Variants in GLI2 observed in about 807,000 individuals in gnomAD.
The protein encoded by GLI2 is transcription activator GLI2.
GLI2 carries 22 observed loss-of-function variants against 78.9 expected under a neutral mutation model. The observed-to-expected ratio is 0.28, with a 90% CI of 0.20 to 0.40. GLI2 has a LOEUF of 0.40. Among genes scored for constraint, GLI2 ranks in the 10% least tolerant of loss-of-function variants. The pLI is 1.00. For missense variants in GLI2, 2,097 were observed against 2,213.2 expected (o/e 0.95, Z 1.05); for synonymous variants, 974 against 963.7 (o/e 1.01, Z -0.20).
chr2:120,749,034 G>A (rs1450305139), intron 1 of GLI2, among the ~76,000 whole-genome samples: 1 of 152,002 alleles, frequency 6.6e-6, no homozygotes, highest in East Asian at 1.9e-4. Flanking sequence ...GTTGGTCTTT[G>A]GTGTACCCTT....
chr2:120,776,783 C>G (rs1042249156), intron 1 of GLI2, among the ~76,000 whole-genome samples: 1 of 152,208 alleles, frequency 6.6e-6, no homozygotes. Context: ...CCGGCGTTCT[C>G]CCAAGAGGAG....
In GLI2 at chr2:120,990,780, T is replaced by C; in HGVS notation, c.*105T>C. ...TTTCCAAAAAAGTGTTAAATAGGCT[T>C]GAGGGGTTGTTGCGCAATGGCCGCT... is the stretch of plus-strand genomic sequence containing the variant. On this transcript the variant is annotated 3_prime_UTR_variant, in exon 14 of 14. Coordinates refer to ENST00000361492, the MANE Select transcript of GLI2 (RefSeq NM_001374353.1). The C allele has an allele frequency of 1.1e-6, 1 of 949,858 alleles. No homozygotes were observed. The allele number at this position is 949,858 out of a possible 1,614,324, so 58.8% of individuals were successfully genotyped here.
At chr2:120,827,072 G>T (rs1305609303) in intron 2 of GLI2, among the ~76,000 whole-genome samples, 1 of 152,220 alleles carries the variant, frequency 6.6e-6, no homozygotes, top group Non-Finnish European at 1.5e-5. Context: ...GCCTGGCACT[G>T]CCCATGCCAG....
intron 2 of GLI2, among the ~76,000 whole-genome samples, chr2:120,855,989 G>A (rs1400962297): frequency 6.6e-6 from 1 of 152,138 alleles, no homozygotes; most frequent in Non-Finnish European, 1.5e-5. Context: ...TTGGATCTGG[G>A]GACCTGGATT....
intron 2 of GLI2, among the ~76,000 whole-genome samples, chr2:120,910,548 A>G (rs946814161): frequency 2.0e-5 from 3 of 152,198 alleles, no homozygotes; most frequent in South Asian, 2.1e-4. Context: ...CTGAACTGCA[A>G]TCACTCTTGG....
At chr2:120,827,006 G>T (rs1049900521) in intron 2 of GLI2, among the ~76,000 whole-genome samples, 1 of 152,198 alleles carries the variant, frequency 6.6e-6, no homozygotes, top group Admixed American at 6.5e-5. Flanking sequence ...CTTTCACTGT[G>T]TGGTGACTCC....
rs1683106370 is a variant in GLI2 at position 120,988,646 on chromosome 2, T to G, written c.2681T>G (p.Met894Arg). 7.0e-7 allele frequency: 1 copy of G among 1,429,612 alleles called. No individual in the cohort carries two copies. Among genetic ancestry groups the G allele is most frequent in the South Asian group, 1.3e-5 (1 of 74,494 alleles). 88.6% of individuals were successfully genotyped at this position (1,429,612 alleles called of 1,614,324 possible). ...PPTPLPGLER[M>R]SLRTRLALLD... ...ACTCCGCTGCCGGGCCTGGAGCGCATGAGCCTGCGGACCAGGCTGGCGCTG... is the reference window on the plus strand; with the variant it reads ...ACTCCGCTGCCGGGCCTGGAGCGCAGGAGCCTGCGGACCAGGCTGGCGCTG... The change falls in exon 14 of 14, where the codon ATG becomes AGG. Residue 894 changes from methionine (M) to arginine (R), a missense_variant. This residue lies in a region of GLI2 where 1,290 missense variants were observed against 1,261.7 expected (regional missense o/e 1.02). Coordinates refer to ENST00000361492, the MANE Select transcript of GLI2 (RefSeq NM_001374353.1).
In GLI2 at chr2:120,966,824, C is replaced by A. The variant is rs185225577; in HGVS notation, c.644-1890C>A. Among the ~76,000 whole-genome samples, 498 of 152,338 alleles carry A rather than the reference C, an allele frequency of 3.3e-3. 1 individual carries two copies. The highest frequency in any genetic ancestry group is 0.012 in the African/African-American group (481 of 41,582). ...CTCAGAGGCTCGTAGGCCATCACCC[C>A]CTGCCCTCGGTGCTCCTGCAGCTGT... On this transcript the variant is annotated intron_variant, in intron 5 of 13. Transcript: ENST00000361492.
chr2:120,943,453 T>C (rs2104925054), intron 3 of GLI2, among the ~76,000 whole-genome samples: 1 of 152,278 alleles, frequency 6.6e-6, no homozygotes. Context: ...ACTGAGGTCA[T>C]AAGTCACCCT....
chr2:120,967,864 C>T (rs1486557457), intron 5 of GLI2, among the ~76,000 whole-genome samples: 1 of 152,240 alleles, frequency 6.6e-6, no homozygotes, highest in Non-Finnish European at 1.5e-5. Flanking sequence ...GCCATGTCCT[C>T]GTGTCCTCCC....
intron 2 of GLI2, among the ~76,000 whole-genome samples, chr2:120,883,597 C>G (rs557154795): frequency 4.6e-5 from 7 of 152,270 alleles, no homozygotes; most frequent in Admixed American, 3.3e-4. Flanking sequence ...TACGCTGACC[C>G]GTTAAGTCCC....
At chr2:120,864,164 T>C (rs190460101) in intron 2 of GLI2, among the ~76,000 whole-genome samples, 1 of 152,140 alleles carries the variant, frequency 6.6e-6, no homozygotes, top group Non-Finnish European at 1.5e-5. Flanking sequence ...TAGGATGCCA[T>C]GGTCTTCCTG....
intron 6 of GLI2, among the ~76,000 whole-genome samples, chr2:120,969,320 G>A (rs970989774): frequency 6.6e-5 from 10 of 152,194 alleles, no homozygotes; most frequent in Non-Finnish European, 1.2e-4. Flanking sequence ...CTCTGTAGCC[G>A]CATGGTGGCA....
intron 2 of GLI2, among the ~76,000 whole-genome samples, chr2:120,850,799 A>G (rs1687371425): frequency 6.6e-6 from 1 of 152,178 alleles, no homozygotes; most frequent in Non-Finnish European, 1.5e-5. Flanking sequence ...CTTATACACC[A>G]TTCTGTGTGT....
At chr2:120,879,044 G>T (rs778983962) in intron 2 of GLI2, among the ~76,000 whole-genome samples, 2 of 152,176 alleles carry the variant, frequency 1.3e-5, no homozygotes, top group Admixed American at 6.5e-5. Flanking sequence ...AGGATAGTGT[G>T]TGTCTCCTCC....
At chr2:120,813,356 G>A (rs548518487) in intron 2 of GLI2, among the ~76,000 whole-genome samples, 2 of 152,342 alleles carry the variant, frequency 1.3e-5, no homozygotes, top group Admixed American at 6.5e-5. Flanking sequence ...GGGGGATGGC[G>A]TGGGTGCCCA....
intron 5 of GLI2, among the ~76,000 whole-genome samples, chr2:120,967,915 C>A (rs773933544): frequency 6.6e-6 from 1 of 152,234 alleles, no homozygotes; most frequent in African/African-American, 2.4e-5. Context: ...TCTGGAGAGA[C>A]AGCCAAAGGC....
chr2:120,871,239 A>G (rs140450383), intron 2 of GLI2, among the ~76,000 whole-genome samples: 1 of 152,326 alleles, frequency 6.6e-6, no homozygotes, highest in Non-Finnish European at 1.5e-5. Context: ...TGTCCATAGG[A>G]GCCTCTTTAT....
At chr2:120,852,392 T>C (rs1474341981) in intron 2 of GLI2, among the ~76,000 whole-genome samples, 1 of 152,168 alleles carries the variant, frequency 6.6e-6, no homozygotes, top group Non-Finnish European at 1.5e-5. Flanking sequence ...AAGGAGGTGC[T>C]GAAACACATA....
Sources: gnomAD v4.1 joint callset for allele counts (sites outside exome capture counted in the v4.1 genomes callset) on GRCh38, gnomAD v4.1.1 for gene constraint, gnomAD v4.1.1 regional missense constraint, MANE v1.5 for transcripts, NCBI Gene and HGNC (gene_info 2026-07-23, HGNC 2026-07-21) for gene names.